Variants in LRP8 observed in about 807,000 individuals in gnomAD.
LRP8 encodes low-density lipoprotein receptor-related protein 8.
In LRP8, 46 loss-of-function variants were observed where a neutral mutation model predicts 111.6. The observed-to-expected ratio is 0.41, with a 90% CI of 0.33 to 0.53. The LOEUF is 0.53. LRP8 is among the 20% of genes least tolerant of loss of function. LRP8 has a pLI of 0.20. For synonymous variants in LRP8, 464 were observed against 511.2 expected (o/e 0.91, Z 1.24); for missense variants, 959 against 1,297.4 (o/e 0.74, Z 4.01).
At chr1:53,307,181 C>T (rs997059947) in intron 2 of LRP8, among the ~76,000 whole-genome samples, 1 of 152,228 alleles carries the variant, frequency 6.6e-6, no homozygotes, top group African/African-American at 2.4e-5. Flanking sequence ...AGGGCAGCAG[C>T]CCGCTGGAAC....
At chr1:53,310,863 T>G (rs1329918798) in intron 2 of LRP8, among the ~76,000 whole-genome samples, 1 of 151,176 alleles carries the variant, frequency 6.6e-6, no homozygotes, top group African/African-American at 2.4e-5. Flanking sequence ...CACTGGGGGG[T>G]TGGGAAAGAG....
In LRP8 at chr1:53,262,696, T is replaced by C; in HGVS notation, c.1656-132A>G. 1 of 712,844 alleles carries C rather than the reference T, an allele frequency of 1.4e-6. No homozygotes were observed. Among genetic ancestry groups the C allele is most frequent in the African/African-American group, 1.8e-5 (1 of 57,050 alleles). 44.2% of individuals were successfully genotyped at this position (712,844 alleles called of 1,614,324 possible). On this transcript the variant is annotated intron_variant, in intron 10 of 18. Transcript: ENST00000306052. The surrounding 1 kb of genome is among the most constrained non-coding windows in gnomAD (Gnocchi z 4.8). The stretch of plus-strand genomic sequence containing the variant: ...TAGGGACTGAGAAGACCTCTAAAGT[T>C]CTTTTGAACCATCAAATCTTAGATT...
At chr1:53,255,971 A>C (rs1646071772) in intron 15 of LRP8, among the ~76,000 whole-genome samples, 1 of 152,234 alleles carries the variant, frequency 6.6e-6, no homozygotes, top group South Asian at 2.1e-4. Flanking sequence ...TCTAAATTTT[A>C]AAAAGATATG....
intron 18 of LRP8, 31 bp from the exon 19 acceptor site, chr1:53,247,087 A>G: frequency 6.4e-7 from 1 of 1,556,004 alleles, no homozygotes; most frequent in Non-Finnish European, 8.7e-7. Context: ...ATTCATCATT[A>G]GATCCATAAG....
chr1:53,304,514 C>G (rs1226679255), intron 2 of LRP8: 1 of 152,370 alleles, frequency 6.6e-6, no homozygotes, highest in African/African-American at 2.4e-5. Context: ...TCTGCTGACT[C>G]CTATGCTACC....
chr1:53,317,647 AAGG>A lies in LRP8; in HGVS notation c.244+9223_244+9225del, dbSNP rs1653980714. On this transcript the variant is annotated intron_variant, in intron 2 of 18. Coordinates refer to ENST00000306052, the MANE Select transcript of LRP8 (RefSeq NM_004631.5). This position sits in a 1 kb window ranked among gnomAD's most constrained non-coding sequence, Gnocchi z 4.9. ...CCTGTGCAGGAATCACAGGCTCAGG[AAGG>A]GAAGGGAAACGCTCATTTTCAGGGC... Among the ~76,000 whole-genome samples the A allele has an allele frequency of 6.6e-6, 1 of 152,116 alleles. No homozygotes were observed. Among genetic ancestry groups the A allele is most frequent in the Non-Finnish European group, 1.5e-5 (1 of 67,998 alleles).
rs1205944015 is a variant in LRP8 at position 53,243,404 on chromosome 1, C to G, written c.*3614G>C. ...TTGACCATATAAAAAATCTTTGACT[C>G]AAATATATGAAAAGCAGTCAGCATT... On this transcript the variant is annotated 3_prime_UTR_variant, in exon 19 of 19. Coordinates refer to ENST00000306052, the MANE Select transcript of LRP8 (RefSeq NM_004631.5). 1 of 152,162 alleles carries G rather than the reference C, an allele frequency of 6.6e-6. No homozygotes were observed. The highest frequency in any genetic ancestry group is 1.9e-4 in the East Asian group (1 of 5,202). The allele number at this position is 152,162 out of a possible 1,614,324, so 9.4% of individuals were successfully genotyped here.
chr1:53,286,764 T>G (rs1306998150), intron 3 of LRP8, among the ~76,000 whole-genome samples: 2 of 152,236 alleles, frequency 1.3e-5, no homozygotes, highest in Non-Finnish European at 2.9e-5. Flanking sequence ...TCAATGCAAC[T>G]CCCTTCACTG....
At position 53,303,001 on chromosome 1, in the gene LRP8, G is replaced by A. The variant is rs2100501143; in HGVS notation, c.245-13312C>T. Among the ~76,000 whole-genome samples, 1 of 152,264 alleles carries A rather than the reference G, an allele frequency of 6.6e-6. No homozygotes were observed. The highest frequency in any genetic ancestry group is 2.4e-5 in the African/African-American group (1 of 41,568). On this transcript the variant is annotated intron_variant, in intron 2 of 18. Coordinates refer to ENST00000306052, the MANE Select transcript of LRP8 (RefSeq NM_004631.5). This position sits in a 1 kb window ranked among gnomAD's most constrained non-coding sequence, Gnocchi z 4.3. ...TAGGTGAGTGACTTAACCTCTCAGA[G>A]CCTCAGCTTCCTCAACAATAAAATG...
intron 5 of LRP8, among the ~76,000 whole-genome samples, chr1:53,276,409 G>A (rs6699794): frequency 0.35 from 51,757 of 147,204 alleles, 10,006 homozygotes; most frequent in East Asian, 0.7. Context: ...GTTTCTGGGT[G>A]GAGGGGTTCG....
In LRP8 at chr1:53,321,002, G is replaced by A. The variant is rs550758332; in HGVS notation, c.244+5871C>T. On this transcript the variant is annotated intron_variant, in intron 2 of 18. Coordinates refer to ENST00000306052, the MANE Select transcript of LRP8 (RefSeq NM_004631.5). ...GTTTCATCATCTTCGAAATGAGAAC[G>A]AAAAACTAGCCCTCCCAGGGTTGTG... Among the ~76,000 whole-genome samples, 26 of 152,340 alleles carry A rather than the reference G, an allele frequency of 1.7e-4. No individual in the cohort carries two copies. In the South Asian group the frequency reaches 5.4e-3, roughly 32 times the overall value.
rs532611001 is a variant in LRP8, at chr1:53,317,744, G to C, written c.244+9129C>G. 1.3e-5 allele frequency among the ~76,000 whole-genome samples: 2 copies of C among 152,152 alleles called. No homozygotes were observed. The highest frequency in any genetic ancestry group is 4.8e-5 in the African/African-American group (2 of 41,432). On this transcript the variant is annotated intron_variant, in intron 2 of 18. Coordinates refer to ENST00000306052, the MANE Select transcript of LRP8 (RefSeq NM_004631.5). The surrounding 1 kb of genome is among the most constrained non-coding windows in gnomAD (Gnocchi z 4.9). ...AATATGGGCTCATTTTCCCGCTTTC[G>C]GAAAGTCTCATGAAGCTGGTGGGCC... is the stretch of plus-strand genomic sequence containing the variant.
intron 2 of LRP8, among the ~76,000 whole-genome samples, chr1:53,310,216 C>T (rs968673361): frequency 6.6e-6 from 1 of 151,944 alleles, no homozygotes; most frequent in African/African-American, 2.4e-5. Context: ...GGGGCAGGGG[C>T]AGGGGCAGAT....
At chr1:53,316,219 C>A (rs1490091115) in intron 2 of LRP8, among the ~76,000 whole-genome samples, 1 of 152,174 alleles carries the variant, frequency 6.6e-6, no homozygotes, top group Non-Finnish European at 1.5e-5. Flanking sequence ...AGTGGGAGAG[C>A]TGCAGCTGGA....
chr1:53,309,160 A>G (rs1652544659), intron 2 of LRP8, among the ~76,000 whole-genome samples: 1 of 152,178 alleles, frequency 6.6e-6, no homozygotes, highest in African/African-American at 2.4e-5. Flanking sequence ...CTGTAATGCC[A>G]GCTACTTGGG....
At chr1:53,265,923 C>T (rs1646536359) in intron 9 of LRP8, among the ~76,000 whole-genome samples, 1 of 152,232 alleles carries the variant, frequency 6.6e-6, no homozygotes, top group Admixed American at 6.5e-5. Context: ...GCTTCCCAAG[C>T]ACCAGGTCCA....
rs199991933 is a variant in LRP8 at position 53,275,763 on chromosome 1, G to A, written c.884-10C>T. 8.1e-6 allele frequency: 13 copies of A among 1,613,752 alleles called. No individual in the cohort carries two copies. Among genetic ancestry groups the A allele is most frequent in the Non-Finnish European group, 1.0e-5 (12 of 1,179,888 alleles). On this transcript the variant is annotated splice_polypyrimidine_tract_variant and intron_variant, in intron 5 of 18. Coordinates refer to ENST00000306052, the MANE Select transcript of LRP8 (RefSeq NM_004631.5). The surrounding 1 kb of genome is among the most constrained non-coding windows in gnomAD (Gnocchi z 4.4). ...CGGCAGGTGCCCAGTGCTGCCAGGA[G>A]AGGGCAAGGGGAGAGGATCAGAGTC...
At chr1:53,276,600 G>T in intron 5 of LRP8, 92 bp downstream of exon 5, 1 of 1,026,374 alleles carries the variant, frequency 9.7e-7, no homozygotes, top group Admixed American at 3.4e-5. Context: ...ATTCAGGTAA[G>T]GCAATGAAAG....
At chr1:53,301,731 A>G (rs1650924884) in intron 2 of LRP8, among the ~76,000 whole-genome samples, 1 of 62,014 alleles carries the variant, frequency 1.6e-5, no homozygotes. Flanking sequence ...ACCCTGTCTT[A>G]AAAAAAAAAA....
Sources: allele counts gnomAD v4.1 joint callset (sites outside exome capture counted in the v4.1 genomes callset), GRCh38; gene constraint gnomAD v4.1.1; non-coding constraint Gnocchi (gnomAD v3.1); transcripts MANE v1.5; gene names NCBI Gene and HGNC (gene_info 2026-07-23, HGNC 2026-07-21).